Variants in MMRN1 observed in about 807,000 individuals in gnomAD.
MMRN1 encodes multimerin 1, also known as multimerin-1.
In MMRN1, 94 loss-of-function variants were observed where a neutral mutation model predicts 100.7. That is an observed-to-expected ratio of 0.93 (90% CI 0.79 to 1.11). The LOEUF is 1.11. Among genes scored for constraint, MMRN1 ranks in the 50% least tolerant of loss-of-function variants. MMRN1 has a pLI of 0.00. For missense variants in MMRN1, 1,606 were observed against 1,439.1 expected, an observed-to-expected ratio of 1.12 and a Z score of -1.88; for synonymous variants, 575 against 505.0, an observed-to-expected ratio of 1.14 and a Z score of -1.86.
chr4:89,935,213 T>A lies in MMRN1; in HGVS notation c.1533T>A (p.Ser511=). Residue 511 remains serine (S), a synonymous_variant, in exon 6 of 8, where the codon TCT becomes TCA. Coordinates refer to ENST00000264790, the MANE Select transcript of MMRN1 (RefSeq NM_007351.3). ...LYYESLNKTL[S]KLKEVHEQLL... is the part of the protein sequence containing the mutation. ...ATGAATCCCTCAATAAAACTCTTTC[T>A]AAATTGAAGGAAGTACATGAGCAGC... The A allele has an allele frequency of 1.9e-6, 3 of 1,613,418 alleles. No homozygotes were observed. Among genetic ancestry groups the A allele is most frequent in the Non-Finnish European group, 2.5e-6 (3 of 1,179,714 alleles).
intron 1 of MMRN1, among the ~76,000 whole-genome samples, chr4:89,884,019 C>G (rs1720878289): frequency 6.6e-6 from 1 of 151,986 alleles, no homozygotes; most frequent in Middle Eastern, 3.2e-3. Context: ...GACTTGGTAC[C>G]TTTGTCCAAA....
intron 1 of MMRN1, among the ~76,000 whole-genome samples, chr4:89,884,570 A>C: frequency 6.6e-6 from 1 of 152,074 alleles, no homozygotes; most frequent in East Asian, 1.9e-4. Context: ...CTAATAGTGA[A>C]TTATTTTTCT....
At chr4:89,926,644 T>C (rs566230505) in intron 4 of MMRN1, among the ~76,000 whole-genome samples, 5 of 152,278 alleles carry the variant, frequency 3.3e-5, no homozygotes, top group Admixed American at 3.3e-4. Context: ...TGTGATCCCA[T>C]CTGTCCATTT....
intron 3 of MMRN1, among the ~76,000 whole-genome samples, chr4:89,918,627 G>T (rs1005881475): frequency 2.0e-5 from 3 of 151,654 alleles, no homozygotes; most frequent in African/African-American, 7.3e-5. Context: ...ATCTAGAAAA[G>T]ATTTCAAGTG....
chr4:89,896,800 A>T (rs1721218740), intron 1 of MMRN1, among the ~76,000 whole-genome samples: 1 of 152,174 alleles, frequency 6.6e-6, no homozygotes, highest in African/African-American at 2.4e-5. Context: ...TTATTATTCA[A>T]GTCTATTTTT....
chr4:89,882,991 T>C (rs562641724), intron 1 of MMRN1, among the ~76,000 whole-genome samples: 1 of 152,072 alleles, frequency 6.6e-6, no homozygotes, highest in Non-Finnish European at 1.5e-5. Flanking sequence ...GCTCTTGAAC[T>C]TCATATAAAT....
In MMRN1 at chr4:89,895,174, C is replaced by T. The variant is rs566708573; in HGVS notation, c.203C>T (p.Thr68Ile). The stretch of plus-strand genomic sequence containing the variant: ...GTCATGTCGGCGGAGATAGCTACAA[C>T]TCCAGAGGCAAGAACTTCTGAAGAC... The part of the protein sequence containing the change: ...TRVMSAEIAT[T>I]PEARTSEDSL... The change falls in exon 1 of 8, where the codon ACT becomes ATT. Residue 68 changes from threonine to isoleucine, a missense_variant. Coordinates refer to ENST00000264790, the MANE Select transcript of MMRN1 (RefSeq NM_007351.3). The T allele has an allele frequency of 3.7e-6, 6 of 1,613,854 alleles. No homozygotes were observed. In the Admixed American group the frequency reaches 1.0e-4, roughly 27 times the overall value.
Position 89,935,696 on chromosome 4 carries a change from A to G in MMRN1, c.2016A>G (p.Ile672Met), listed in dbSNP as rs150071655. Reference sequence around the variant, plus strand: ...CATATGAACAACCAAAGGAAGCAATAGTGATAAGGAAAAAGATAGAAAATC... The same window carrying G: ...CATATGAACAACCAAAGGAAGCAATGGTGATAAGGAAAAAGATAGAAAATC... ...TMTYEQPKEAIVIRKKIENLT... is the reference protein window; with the variant it reads ...TMTYEQPKEAMVIRKKIENLT... Residue 672 changes from isoleucine to methionine, a missense_variant, in exon 6 of 8, where the codon ATA becomes ATG. Physicochemically the swap from Ile to Met is conservative, Grantham distance 10 (BLOSUM62 1). Transcript: ENST00000264790. 204 of 1,612,672 alleles carry G rather than the reference A, an allele frequency of 1.3e-4. 1 individual carries two copies. The African/African-American group carries it at 2.2e-3, about 18-fold the overall frequency.
At chr4:89,887,671 G>A (rs972675446) in intron 1 of MMRN1, among the ~76,000 whole-genome samples, 1 of 151,514 alleles carries the variant, frequency 6.6e-6, no homozygotes, top group African/African-American at 2.4e-5. Flanking sequence ...CTACATTTTT[G>A]TTCTAACAAT....
intron 6 of MMRN1, among the ~76,000 whole-genome samples, chr4:89,941,491 A>G (rs934093447): frequency 6.6e-6 from 1 of 152,146 alleles, no homozygotes; most frequent in Non-Finnish European, 1.5e-5. Context: ...TTCTGCCCAT[A>G]CAAGCCCATC....
chr4:89,951,712 T>C lies in MMRN1; in HGVS notation c.3226T>C (p.Cys1076Arg). The change falls in exon 7 of 8, where the codon TGC (cysteine) becomes CGC (arginine). Residue 1076 changes from cysteine to arginine, a missense_variant. Cys to Arg is a radical substitution (Grantham distance 180). Transcript: ENST00000264790. ...CAGACATCCTTTTACTGGTGACAAC[T>C]GCACTATCAAGCTTGTGGAAGAAAA... ...ACRHPFTGDN[C>R]TIKLVEENAL... is the part of the protein sequence containing the mutation. The C allele has an allele frequency of 1.2e-6, 2 of 1,612,358 alleles. No individual in the cohort carries two copies. The highest frequency in any genetic ancestry group is 8.5e-7 in the Non-Finnish European group (1 of 1,179,350).
At chr4:89,909,130 T>G in intron 1 of MMRN1, 146 bp from the exon 2 acceptor site, 1 of 735,212 alleles carries the variant, frequency 1.4e-6, no homozygotes, top group Non-Finnish European at 2.1e-6. Flanking sequence ...CTCTTATATT[T>G]AAATATTTTA....
chr4:89,932,212 TCTC>T (rs1281757662), intron 5 of MMRN1, among the ~76,000 whole-genome samples: 1 of 152,112 alleles, frequency 6.6e-6, no homozygotes, highest in Non-Finnish European at 1.5e-5. Context: ...TCCGAAGTGA[TCTC>T]CTTTGACTCC....
chr4:89,911,868 T>C, intron 2 of MMRN1, 76 bp from the exon 3 acceptor site: 1 of 1,036,298 alleles, frequency 9.6e-7, no homozygotes, highest in Non-Finnish European at 1.5e-6. Context: ...CCCCAAAAAC[T>C]TTACATTTAT....
At chr4:89,949,190 T>C (rs1004536281) in intron 6 of MMRN1, among the ~76,000 whole-genome samples, 5 of 152,162 alleles carry the variant, frequency 3.3e-5, no homozygotes, top group African/African-American at 9.7e-5. Flanking sequence ...AAATCTAATT[T>C]TTTCCACAGT....
At chr4:89,942,266 C>A (rs1722855286) in intron 6 of MMRN1, among the ~76,000 whole-genome samples, 1 of 152,112 alleles carries the variant, frequency 6.6e-6, no homozygotes. Context: ...AAATTTGATT[C>A]TTAACTTGTC....
intron 5 of MMRN1, among the ~76,000 whole-genome samples, chr4:89,929,141 G>A (rs1358028015): frequency 6.6e-6 from 1 of 152,100 alleles, no homozygotes; most frequent in Non-Finnish European, 1.5e-5. Context: ...ATTCCTGGGA[G>A]CGTCCCAGTC....
Position 89,918,540 on chromosome 4 carries a change from T to A in MMRN1, c.851-4628T>A, listed in dbSNP as rs189306180. ...ATGTGCTCTTGCTTTCCATCTCTCT[T>A]TCCATCTTTCTCTCTCCCTCTCGTC... On this transcript the variant is annotated intron_variant, in intron 3 of 7. Transcript: ENST00000264790. Among the ~76,000 whole-genome samples the A allele has an allele frequency of 1.5e-3, 228 of 151,994 alleles. 1 individual carries two copies. The highest frequency in any genetic ancestry group is 5.3e-3 in the African/African-American group (219 of 41,550).
chr4:89,913,317 A>G (rs773689987), intron 3 of MMRN1, among the ~76,000 whole-genome samples: 4 of 151,336 alleles, frequency 2.6e-5, no homozygotes, highest in Non-Finnish European at 5.9e-5. Context: ...TGATGATTCA[A>G]GTTTGTTTGC....
Sources: gnomAD v4.1 joint callset for allele counts (sites outside exome capture counted in the v4.1 genomes callset) on GRCh38, gnomAD v4.1.1 for gene constraint, MANE v1.5 for transcripts, NCBI Gene and HGNC (gene_info 2026-07-23, HGNC 2026-07-21) for gene names.